The following SUV39H2 variants were observed in gnomAD, a reference collection of about 807,000 sequenced individuals.
SUV39H2 encodes histone-lysine N-methyltransferase SUV39H2.
SUV39H2 carries 10 observed loss-of-function variants against 47.5 expected under a neutral mutation model. The observed-to-expected ratio is 0.21, with a 90% CI of 0.13 to 0.36. The LOEUF (loss-of-function observed/expected upper bound fraction) is 0.36. Among genes scored for constraint, SUV39H2 ranks in the 10% least tolerant of loss-of-function variants. The pLI is 1.00. For synonymous variants in SUV39H2, 159 were observed against 166.8 expected (o/e 0.95, Z 0.36); for missense variants, 266 against 487.4 (o/e 0.55, Z 4.28).
Position 14,902,538 on chromosome 10 carries a change from A to G in SUV39H2, c.*26A>G. 1 of 1,401,958 alleles carries G rather than the reference A, an allele frequency of 7.1e-7. No individual in the cohort carries two copies. 86.8% of individuals were successfully genotyped at this position (1,401,958 alleles called of 1,614,324 possible). ...ACTTTTTCAGGAAATAGAGCTGATG[A>G]TTATAATATTTTTTTCCTAATGTTA... On this transcript the variant is annotated 3_prime_UTR_variant, in exon 6 of 6. Transcript: ENST00000354919.
intron 4 of SUV39H2, among the ~76,000 whole-genome samples, chr10:14,900,401 A>T (rs1833919503): frequency 1.3e-5 from 2 of 152,242 alleles, no homozygotes; most frequent in Non-Finnish European, 2.9e-5. Flanking sequence ...ATAGCTGAAC[A>T]TATAAAGGAA....
At chr10:14,885,088 A>G (rs1039712241) in intron 2 of SUV39H2, among the ~76,000 whole-genome samples, 1 of 152,140 alleles carries the variant, frequency 6.6e-6, no homozygotes. Flanking sequence ...GATAGTCTTC[A>G]AGGCCCTGTT....
At position 14,901,219 on chromosome 10, in the gene SUV39H2, C is replaced by T; in HGVS notation, c.1083C>T (p.Thr361=). The part of the protein sequence containing the change: ...LPRIALFSTR[T]INAGEELTFD... ...GAATAGCATTGTTTTCCACAAGAAC[C>T]ATAAATGCTGGAGAAGAGCTGACTT... The change falls in exon 5 of 6, where the codon ACC becomes ACT. Residue 361 remains threonine (T), a synonymous_variant. Coordinates refer to ENST00000354919, the MANE Select transcript of SUV39H2 (RefSeq NM_001193424.2). 6.2e-7 allele frequency: 1 copy of T among 1,613,994 alleles called. No individual in the cohort carries two copies. The highest frequency in any genetic ancestry group is 2.2e-5 in the East Asian group (1 of 44,846).
At position 14,902,760 on chromosome 10, in the gene SUV39H2, C is replaced by T. The variant is rs1213180775; in HGVS notation, c.*248C>T. 3.5e-6 allele frequency: 1 copy of T among 289,448 alleles called. No individual in the cohort carries two copies. Among genetic ancestry groups the T allele is most frequent in the East Asian group, 6.4e-5 (1 of 15,694 alleles). 17.9% of individuals were successfully genotyped at this position (289,448 alleles called of 1,614,324 possible). A position where few individuals can be genotyped will look rare whatever the true frequency, so the allele number is the denominator to read the frequency against. ...AAACTAATGGAAGGCAGACTATTTA[C>T]AGCTTAGTATATGTGTACTTAAGTC... On this transcript the variant is annotated 3_prime_UTR_variant, in exon 6 of 6. Transcript: ENST00000354919.
At chr10:14,902,262 C>T (rs1834077128) in intron 5 of SUV39H2, 144 bp from the exon 6 acceptor site, 1 of 444,332 alleles carries the variant, frequency 2.3e-6, no homozygotes, top group Non-Finnish European at 4.1e-6. Context: ...ACTACATTTC[C>T]TTGGGAGTTA....
chr10:14,880,741 T>C (rs1404627295), intron 1 of SUV39H2, among the ~76,000 whole-genome samples: 1 of 152,228 alleles, frequency 6.6e-6, no homozygotes, highest in African/African-American at 2.4e-5. Flanking sequence ...TGATGATGAG[T>C]ATGTCTAATT....
chr10:14,904,027 C>T lies in SUV39H2; in HGVS notation c.*1515C>T, dbSNP rs1258983181. On this transcript the variant is annotated 3_prime_UTR_variant, in exon 6 of 6. Coordinates refer to ENST00000354919, the MANE Select transcript of SUV39H2 (RefSeq NM_001193424.2). ...AAAATTGCAGAATGGGGGGCCAGGC[C>T]TGTGTGGTGGCTCACACCTGTGATC... is the stretch of plus-strand genomic sequence containing the variant. 1 of 152,204 alleles carries T rather than the reference C, an allele frequency of 6.6e-6. No individual in the cohort carries two copies. Among genetic ancestry groups the T allele is most frequent in the East Asian group, 1.9e-4 (1 of 5,188 alleles). The allele number at this position is 152,204 out of a possible 1,614,324, so 9.4% of individuals were successfully genotyped here. A position where few individuals can be genotyped will look rare whatever the true frequency, so the allele number is the denominator to read the frequency against.
intron 2 of SUV39H2, among the ~76,000 whole-genome samples, chr10:14,888,950 A>G (rs1833300564): frequency 6.6e-6 from 1 of 152,140 alleles, no homozygotes; most frequent in African/African-American, 2.4e-5. Context: ...CTAAAAATAC[A>G]AAATTAGCCG....
At chr10:14,890,333 A>G (rs1833347730) in intron 2 of SUV39H2, among the ~76,000 whole-genome samples, 1 of 152,178 alleles carries the variant, frequency 6.6e-6, no homozygotes, top group Admixed American at 6.5e-5. Flanking sequence ...TGATTTTTCC[A>G]TTGACTATAA....
chr10:14,878,988 G>T (rs576575110), intron 1 of SUV39H2, 69 bp downstream of exon 1: 5 of 1,340,816 alleles, frequency 3.7e-6, no homozygotes, highest in Admixed American at 8.1e-5. Context: ...GGGCGGCGGG[G>T]CCGTCCCGCG....
intron 2 of SUV39H2, among the ~76,000 whole-genome samples, chr10:14,894,862 T>C (rs577330279): frequency 5.2e-4 from 79 of 152,332 alleles, no homozygotes; most frequent in African/African-American, 1.7e-3. Context: ...TTAGACCTTT[T>C]GTCATTAATG....
intron 2 of SUV39H2, among the ~76,000 whole-genome samples, chr10:14,894,927 T>G (rs1480037925): frequency 6.6e-6 from 1 of 152,138 alleles, no homozygotes; most frequent in East Asian, 1.9e-4. Context: ...AATAAAAACT[T>G]TCTTAAAATT....
chr10:14,899,881 A>G (rs1466051025), intron 4 of SUV39H2, among the ~76,000 whole-genome samples, 196 bp downstream of exon 4: 1 of 152,226 alleles, frequency 6.6e-6, no homozygotes, highest in Non-Finnish European at 1.5e-5. Context: ...GGTGCCTACC[A>G]AATATTAATA....
Position 14,898,202 on chromosome 10 carries a change from C to CTTTTTTTTTTTTTTTTTTTT in SUV39H2, c.849+694_849+713dup, listed in dbSNP as rs919860514. The stretch of plus-strand genomic sequence containing the variant: ...AAAACTCAGTGAGGTAGTACTGTTT[C>CTTTTTTTTTTTTTTTTTTTT]TTTTTTTTTTTTTTTTTTTTTTTTT... On this transcript the variant is annotated intron_variant, in intron 3 of 5. Transcript: ENST00000354919. 2.0e-4 allele frequency: 11 copies of CTTTTTTTTTTTTTTTTTTTT among 56,150 alleles called. 1 individual carries two copies. The highest frequency in any genetic ancestry group is 2.8e-4 in the Non-Finnish European group (8 of 28,186). The allele number at this position is 56,150 out of a possible 1,614,324, so 3.5% of individuals were successfully genotyped here.
chr10:14,892,777 A>G (rs1675027248), intron 2 of SUV39H2, among the ~76,000 whole-genome samples: 1 of 151,804 alleles, frequency 6.6e-6, no homozygotes, highest in South Asian at 2.1e-4. Flanking sequence ...AAATATTTGA[A>G]TGACTTTAAC....
At position 14,897,061 on chromosome 10, in the gene SUV39H2, T is replaced by C. The variant is rs1833651356; in HGVS notation, c.393T>C (p.Ala131=). ...TTGCTGAGTACATTGTGAAGAAGGC[T>C]AAACAAAGGATAGCTCTGCAGAGAT... The part of the protein sequence containing the change: ...PAIAEYIVKK[A]KQRIALQRWQ... Residue 131 remains alanine, a synonymous_variant, in exon 3 of 6, where the codon GCT becomes GCC. Coordinates refer to ENST00000354919, the MANE Select transcript of SUV39H2 (RefSeq NM_001193424.2). 1 of 1,613,914 alleles carries C rather than the reference T, an allele frequency of 6.2e-7. No homozygotes were observed. The highest frequency in any genetic ancestry group is 8.5e-7 in the Non-Finnish European group (1 of 1,180,026).
intron 2 of SUV39H2, among the ~76,000 whole-genome samples, chr10:14,891,842 T>C (rs1473252652): frequency 6.6e-6 from 1 of 152,198 alleles, no homozygotes; most frequent in Admixed American, 6.5e-5. Flanking sequence ...AGTTAAAACT[T>C]GGAGAGTCAT....
intron 2 of SUV39H2, among the ~76,000 whole-genome samples, chr10:14,893,222 C>A (rs535109029): frequency 2.0e-5 from 3 of 151,688 alleles, no homozygotes; most frequent in African/African-American, 7.3e-5. Context: ...CCAGGATGGT[C>A]TCGATCTCCT....
chr10:14,893,692 C>T (rs1659837573), intron 2 of SUV39H2, among the ~76,000 whole-genome samples: 1 of 152,170 alleles, frequency 6.6e-6, no homozygotes, highest in South Asian at 2.1e-4. Context: ...CAAAATCTTA[C>T]TAATATTTCT....
Sources: gnomAD v4.1 joint callset for allele counts (sites outside exome capture counted in the v4.1 genomes callset) on GRCh38, gnomAD v4.1.1 for gene constraint, MANE v1.5 for transcripts, NCBI Gene and HGNC (gene_info 2026-07-23, HGNC 2026-07-21) for gene names.